The following MYCBPAP variants were observed in gnomAD, a reference collection of about 807,000 sequenced individuals.
MYCBPAP encodes the protein MYCBP-associated protein.
A neutral mutation model predicts 106.1 loss-of-function variants in MYCBPAP; 60 were observed. The ratio of observed to expected loss-of-function variants is 0.57; its 90% CI spans 0.46 to 0.70. MYCBPAP has a LOEUF of 0.70. Ranked by LOEUF, MYCBPAP falls within the 30% of genes least tolerant of loss-of-function variation. MYCBPAP has a pLI of 0.00. For synonymous variants in MYCBPAP, 407 were observed against 440.6 expected, an observed-to-expected ratio of 0.92 and a Z score of 0.95; for missense variants, 1,064 against 1,169.3, an observed-to-expected ratio of 0.91 and a Z score of 1.31.
chr17:50,524,188 A>G (rs1739609447), intron 12 of MYCBPAP, among the ~76,000 whole-genome samples: 1 of 152,230 alleles, frequency 6.6e-6, no homozygotes, highest in Admixed American at 6.5e-5. Flanking sequence ...AATACATAGC[A>G]GCATGAGTCT....
intron 1 of MYCBPAP, among the ~76,000 whole-genome samples, chr17:50,511,804 T>C (rs1695145380): frequency 6.6e-6 from 1 of 152,172 alleles, no homozygotes; most frequent in Non-Finnish European, 1.5e-5. Context: ...ACCTCAGCCC[T>C]GTGGAGTCTT....
At position 50,516,711 on chromosome 17, in the gene MYCBPAP, C is replaced by G. The variant is rs377687412; in HGVS notation, c.204+14C>G. 2.5e-6 allele frequency: 4 copies of G among 1,613,320 alleles called. No individual in the cohort carries two copies. Among genetic ancestry groups the G allele is most frequent in the Non-Finnish European group, 3.4e-6 (4 of 1,179,680 alleles). ...GACTTGAAGGAGGTGAGGATGAAGC[C>G]CAAGCTTCCCTTACCATAGAAACGT... On this transcript the variant is annotated intron_variant, in intron 2 of 18. Coordinates refer to ENST00000323776, the MANE Select transcript of MYCBPAP (RefSeq NM_032133.6).
chr17:50,510,684 C>G (rs545613761), intron 1 of MYCBPAP, among the ~76,000 whole-genome samples: 22 of 143,220 alleles, frequency 1.5e-4, no homozygotes, highest in African/African-American at 6.0e-4. Flanking sequence ...CACCACCATG[C>G]CTGGCAAATT....
In MYCBPAP at chr17:50,508,458, T is replaced by A; in HGVS notation, c.-217T>A. 1 of 1,330,326 alleles carries A rather than the reference T, an allele frequency of 7.5e-7. No homozygotes were observed. The highest frequency in any genetic ancestry group is 1.0e-6 in the Non-Finnish European group (1 of 981,452). The allele number at this position is 1,330,326 out of a possible 1,614,324, so 82.4% of individuals were successfully genotyped here. On this transcript the variant is annotated 5_prime_UTR_variant, in exon 1 of 19. Transcript: ENST00000323776. Reference sequence around the variant, plus strand: ...GCCCGCAGGGCTTTCTAGGGGTCCGTCGCTCTTGAAGCCGCCGGCGGCGGG... The same window carrying A: ...GCCCGCAGGGCTTTCTAGGGGTCCGACGCTCTTGAAGCCGCCGGCGGCGGG...
In MYCBPAP at chr17:50,519,727, C is replaced by T. The variant is rs753151192; in HGVS notation, c.856C>T (p.Arg286Cys). Residue 286 changes from arginine to cysteine, a missense_variant, in exon 7 of 19, where the codon CGT (arginine) becomes TGT (cysteine). Coordinates refer to ENST00000323776, the MANE Select transcript of MYCBPAP (RefSeq NM_032133.6). Reference sequence around the variant, plus strand: ...GGTCATGACCAAGACAAAAACTCAGCGTGGCCTCATGGAGCCCATCACTCA... The same window carrying T: ...GGTCATGACCAAGACAAAAACTCAGTGTGGCCTCATGGAGCCCATCACTCA... The part of the protein sequence containing the change: ...GLVMTKTKTQ[R>C]GLMEPITHIR... The T allele has an allele frequency of 1.1e-5, 18 of 1,614,006 alleles. No homozygotes were observed. Among genetic ancestry groups the T allele is most frequent in the Admixed American group, 1.7e-5 (1 of 60,006 alleles).
chr17:50,527,644 T>A (rs2034503875), intron 15 of MYCBPAP, among the ~76,000 whole-genome samples: 1 of 152,138 alleles, frequency 6.6e-6, no homozygotes, highest in Non-Finnish European at 1.5e-5. Context: ...GCCTTGTTCC[T>A]TCTCAGTGAG....
At position 50,508,555 on chromosome 17, in the gene MYCBPAP, C is replaced by T; in HGVS notation, c.-120C>T. 1.3e-6 allele frequency: 2 copies of T among 1,544,248 alleles called. No homozygotes were observed. The highest frequency in any genetic ancestry group is 1.7e-6 in the Non-Finnish European group (2 of 1,145,170). ...CCAAGTTGATCGGTGGATGCGCGCC[C>T]CCGCGCGGGGCACCGGTTGCTGTGG... On this transcript the variant is annotated 5_prime_UTR_variant, in exon 1 of 19. Transcript: ENST00000323776.
rs1000626905 is a variant in MYCBPAP, at chr17:50,522,101, A to G, written c.1257+20A>G. On this transcript the variant is annotated intron_variant, in intron 10 of 18. Transcript: ENST00000323776. ...GACAAGGTAAAACAGCCTCCACCAC[A>G]CCTGCTGGGAGAGCCTCCCTCAGGG... is the stretch of plus-strand genomic sequence containing the variant. 5.0e-6 allele frequency: 8 copies of G among 1,599,580 alleles called. No individual in the cohort carries two copies. The highest frequency in any genetic ancestry group is 6.9e-6 in the Non-Finnish European group (8 of 1,167,768).
rs373928628 is a variant in MYCBPAP at position 50,524,737 on chromosome 17, T to TGTGTGAGAGAGAGAGAGAGA, written c.1636-139_1636-138insTGTGAGAGAGAGAGAGAGAG. 1.4e-3 allele frequency: 660 copies of TGTGTGAGAGAGAGAGAGAGA among 463,620 alleles called. 2 individuals carry two copies. In the African/African-American group the frequency reaches 0.015, roughly 11 times the overall value. 28.7% of individuals were successfully genotyped at this position (463,620 alleles called of 1,614,324 possible). A position where few individuals can be genotyped will look rare whatever the true frequency, so the allele number is the denominator to read the frequency against. ...GTGTGTGTGTGTGTGTGTGTGTGTGTGAGAGAGAGAGAGAGAGAGAGACAA... is the reference window on the plus strand; with the variant it reads ...GTGTGTGTGTGTGTGTGTGTGTGTGTGTGTGAGAGAGAGAGAGAGAGAGAGAGAGAGAGAGAGAGAGACAA... On this transcript the variant is annotated intron_variant, in intron 12 of 18. Coordinates refer to ENST00000323776, the MANE Select transcript of MYCBPAP (RefSeq NM_032133.6).
chr17:50,508,346 G>A (rs544552012), upstream of MYCBPAP: 413 of 486,890 alleles, frequency 8.5e-4, 9 homozygotes, highest in South Asian at 0.012. Context: ...CAACTCGCGG[G>A]GGTCCTCGCC....
chr17:50,526,087 G>C lies in MYCBPAP; in HGVS notation c.1989G>C (p.Glu663Asp), dbSNP rs760639107. ...CTCAAGTGCCCCGGCCTGAGAACGA[G>C]GCCCTCAGGGAATCCGGGTCCCAGA... ...SETQVPRPEN[E>D]ALRESGSQKA... The change falls in exon 14 of 19, where the codon GAG (glutamate) becomes GAC (aspartate). Residue 663 changes from glutamate to aspartate, a missense_variant. Glu to Asp is a conservative substitution (Grantham distance 45, BLOSUM62 2). Coordinates refer to ENST00000323776, the MANE Select transcript of MYCBPAP (RefSeq NM_032133.6). 2 of 1,613,934 alleles carry C rather than the reference G, an allele frequency of 1.2e-6. No individual in the cohort carries two copies. The highest frequency in any genetic ancestry group is 1.7e-6 in the Non-Finnish European group (2 of 1,180,024).
At chr17:50,519,515 C>A in intron 6 of MYCBPAP, 125 bp from the exon 7 acceptor site, 1 of 1,162,934 alleles carries the variant, frequency 8.6e-7, no homozygotes, top group Non-Finnish European at 1.2e-6. Flanking sequence ...TATGCAATCA[C>A]GGCAGCAATG....
rs1368302221 is a variant in MYCBPAP, at chr17:50,508,629, C to T, written c.-46C>T. ...CGGGTGCGGCGCAGCCTCGGTGTCT[C>T]TGGGCCGGCGGTGCAGGGCAACGTT... is the stretch of plus-strand genomic sequence containing the variant. On this transcript the variant is annotated 5_prime_UTR_variant, in exon 1 of 19. Transcript: ENST00000323776. 4 of 1,573,498 alleles carry T rather than the reference C, an allele frequency of 2.5e-6. No homozygotes were observed. In the South Asian group the frequency reaches 4.6e-5, roughly 18 times the overall value.
chr17:50,517,402 T>C lies in MYCBPAP; in HGVS notation c.314T>C (p.Val105Ala). ...CCTAGGAGGAAGGTCTGCCACCTTG[T>C]AGCACGTCCTGCGAATCCTGATGAA... is the stretch of plus-strand genomic sequence containing the variant. ...MDPRRKVCHLVARPANPDEAT... is the reference protein window; with the variant it reads ...MDPRRKVCHLAARPANPDEAT... Residue 105 changes from valine (V) to alanine (A), a missense_variant, in exon 3 of 19, where the codon GTA becomes GCA. Val to Ala is a moderately conservative substitution (Grantham distance 64, BLOSUM62 0). Coordinates refer to ENST00000323776, the MANE Select transcript of MYCBPAP (RefSeq NM_032133.6). 6.2e-7 allele frequency: 1 copy of C among 1,614,196 alleles called. No homozygotes were observed. Among genetic ancestry groups the C allele is most frequent in the Non-Finnish European group, 8.5e-7 (1 of 1,180,018 alleles).
At chr17:50,508,245 C>T (rs992889549), upstream of MYCBPAP, 2 of 327,902 alleles carry the variant, frequency 6.1e-6, no homozygotes, top group African/African-American at 4.4e-5. Context: ...CCCGACGCCC[C>T]ACCCGCCCCC....
Position 50,530,334 on chromosome 17 carries a change from A to G in MYCBPAP, c.2725-993A>G, listed in dbSNP as rs1239325177. ...CATGGTAAGATCCCGTTTCTACTAA[A>G]AATTCAAAAAATTAGCCAGGCATGG... On this transcript the variant is annotated intron_variant, in intron 18 of 18. Coordinates refer to ENST00000323776, the MANE Select transcript of MYCBPAP (RefSeq NM_032133.6). 3 of 266,358 alleles carry G rather than the reference A, an allele frequency of 1.1e-5. No individual in the cohort carries two copies. The East Asian group carries it at 3.4e-4, about 30-fold the overall frequency. 16.5% of individuals were successfully genotyped at this position (266,358 alleles called of 1,614,324 possible). A position where few individuals can be genotyped will look rare whatever the true frequency, so the allele number is the denominator to read the frequency against.
intron 11 of MYCBPAP, 32 bp from the exon 12 acceptor site, chr17:50,523,565 T>A: frequency 6.2e-7 from 1 of 1,611,110 alleles, no homozygotes; most frequent in Non-Finnish European, 8.5e-7. Flanking sequence ...AGCTCCTGCA[T>A]GTTGAAAACC....
In MYCBPAP at chr17:50,531,375, G is replaced by A. The variant is rs1292977944; in HGVS notation, c.2773G>A (p.Asp925Asn). 1 of 1,613,662 alleles carries A rather than the reference G, an allele frequency of 6.2e-7. No homozygotes were observed. The highest frequency in any genetic ancestry group is 1.1e-5 in the South Asian group (1 of 90,886). The change falls in exon 19 of 19, where the codon GAT becomes AAT. Residue 925 changes from aspartate (D) to asparagine (N), a missense_variant. Coordinates refer to ENST00000323776, the MANE Select transcript of MYCBPAP (RefSeq NM_032133.6). ...GGTGACTGACCTGATGGTCCTGGCT[G>A]ATGAGCTCAGCCCCATAAAGAATGT... Reference protein sequence around the residue: ...TLVTDLMVLADELSPIKNVEE... With the variant: ...TLVTDLMVLANELSPIKNVEE...
chr17:50,528,643 T>C lies in MYCBPAP; in HGVS notation c.2408-52T>C. On this transcript the variant is annotated intron_variant, in intron 16 of 18. Transcript: ENST00000323776. ...CAAGCCTCCTCACGTACCTGCAGCATCCACTAGGCTGTTGGGGGCCTGCCA... is the reference window on the plus strand; with the variant it reads ...CAAGCCTCCTCACGTACCTGCAGCACCCACTAGGCTGTTGGGGGCCTGCCA... The C allele has an allele frequency of 4.4e-6, 7 of 1,592,822 alleles. 1 individual carries two copies. The Middle Eastern group carries it at 6.6e-4, about 151-fold the overall frequency.
Sources: gnomAD v4.1 joint callset for allele counts (sites outside exome capture counted in the v4.1 genomes callset) on GRCh38, gnomAD v4.1.1 for gene constraint, MANE v1.5 for transcripts, NCBI Gene and HGNC (gene_info 2026-07-23, HGNC 2026-07-21) for gene names.